The following USP46 variants were observed in gnomAD, a reference collection of about 807,000 sequenced individuals.
The protein encoded by USP46 is ubiquitin specific peptidase 46, also known as ubiquitin carboxyl-terminal hydrolase 46.
USP46 carries 12 observed loss-of-function variants against 44.4 expected under a neutral mutation model. That is an observed-to-expected ratio of 0.27 (90% CI 0.17 to 0.44). The LOEUF is 0.44. USP46 is among the 20% of genes least tolerant of loss of function. USP46 has a pLI of 1.00. For missense variants in USP46, 248 were observed against 444.8 expected, an observed-to-expected ratio of 0.56 and a Z score of 3.98; for synonymous variants, 155 against 161.5, an observed-to-expected ratio of 0.96 and a Z score of 0.31.
chr4:52,655,138 CTGT>C (rs1718904930), intron 1 of USP46, among the ~76,000 whole-genome samples: 1 of 152,168 alleles, frequency 6.6e-6, no homozygotes, highest in Admixed American at 6.5e-5. Context: ...TTGAAATGTC[CTGT>C]TGTGTTAATC....
rs930432241 is a variant in USP46 at position 52,591,324 on chromosome 4, T to C, written c.*6316A>G. ...TTCAATGATCAAGTTATTTTGCTTCTGGTCAAGTCGGATACAAGTCTGAGT... is the reference window on the plus strand; with the variant it reads ...TTCAATGATCAAGTTATTTTGCTTCCGGTCAAGTCGGATACAAGTCTGAGT... On this transcript the variant is annotated 3_prime_UTR_variant, in exon 9 of 9. Coordinates refer to ENST00000441222, the MANE Select transcript of USP46 (RefSeq NM_022832.4). 1 of 152,234 alleles carries C rather than the reference T, an allele frequency of 6.6e-6. No individual in the cohort carries two copies. The highest frequency in any genetic ancestry group is 1.5e-5 in the Non-Finnish European group (1 of 68,042). The allele number at this position is 152,234 out of a possible 1,614,324, so 9.4% of individuals were successfully genotyped here. A position where few individuals can be genotyped will look rare whatever the true frequency, so the allele number is the denominator to read the frequency against.
At chr4:52,646,271 C>G (rs1444750301) in intron 1 of USP46, among the ~76,000 whole-genome samples, 1 of 152,196 alleles carries the variant, frequency 6.6e-6, no homozygotes, top group Non-Finnish European at 1.5e-5. Flanking sequence ...ACTTGTGCGG[C>G]AACCCGGCCC....
At position 52,627,995 on chromosome 4, in the gene USP46, C is replaced by T. The variant is rs191363028; in HGVS notation, c.286G>A (p.Val96Ile). Residue 96 changes from valine to isoleucine, a missense_variant, in exon 3 of 9, where the codon GTC (valine) becomes ATC (isoleucine). Val to Ile is a conservative substitution (Grantham distance 29). This residue lies in a region of USP46 where 54 missense variants were observed against 135.0 expected (regional missense o/e 0.40). Coordinates refer to ENST00000441222, the MANE Select transcript of USP46 (RefSeq NM_022832.4). Reference sequence around the variant, plus strand: ...GAAATGAACTTCTTTGGTGGGATGACGCCAACCTTCTTCTTCTGTGTGGCA... The same window carrying T: ...GAAATGAACTTCTTTGGTGGGATGATGCCAACCTTCTTCTTCTGTGTGGCA... The part of the protein sequence containing the change: ...SIATQKKKVG[V>I]IPPKKFISRL... 5.0e-6 allele frequency: 8 copies of T among 1,613,794 alleles called. No homozygotes were observed. Among genetic ancestry groups the T allele is most frequent in the Admixed American group, 1.7e-5 (1 of 59,990 alleles).
chr4:52,593,091 T>C lies in USP46; in HGVS notation c.*4549A>G, dbSNP rs1716090192. 1 of 396,664 alleles carries C rather than the reference T, an allele frequency of 2.5e-6. No homozygotes were observed. Among genetic ancestry groups the C allele is most frequent in the African/African-American group, 2.1e-5 (1 of 48,602 alleles). 24.6% of individuals were successfully genotyped at this position (396,664 alleles called of 1,614,324 possible). A position where few individuals can be genotyped will look rare whatever the true frequency, so the allele number is the denominator to read the frequency against. ...TGGACAAATACAACGACTTAGTAAG[T>C]ATTTTTATCTTCATGTAAATATAAG... On this transcript the variant is annotated 3_prime_UTR_variant, in exon 9 of 9. Transcript: ENST00000441222.
rs1176751725 is a variant in USP46, at chr4:52,598,698, T to C, written c.929A>G (p.Asn310Ser). 1.2e-6 allele frequency: 2 copies of C among 1,607,232 alleles called. No homozygotes were observed. The highest frequency in any genetic ancestry group is 8.5e-7 in the Non-Finnish European group (1 of 1,176,866). The change falls in exon 8 of 9, where the codon AAT becomes AGT. Residue 310 changes from asparagine (N) to serine (S), a missense_variant. This residue lies in a region of USP46 where 98 missense variants were observed against 218.2 expected (regional missense o/e 0.45). Coordinates refer to ENST00000441222, the MANE Select transcript of USP46 (RefSeq NM_022832.4). ...AVVVHCGSGP[N>S]RGHYITIVKS... ...CACAATAGTGATATAATGCCCACGATTAGGACCACTGGAAAAGAACAAATA... is the reference window on the plus strand; with the variant it reads ...CACAATAGTGATATAATGCCCACGACTAGGACCACTGGAAAAGAACAAATA...
chr4:52,605,066 T>C (rs1716635874), intron 5 of USP46, among the ~76,000 whole-genome samples: 1 of 152,216 alleles, frequency 6.6e-6, no homozygotes. Context: ...TGAAAAATAG[T>C]ATTTCTCTGG....
intron 6 of USP46, among the ~76,000 whole-genome samples, chr4:52,602,399 A>G (rs370656358): frequency 2.5e-4 from 38 of 152,244 alleles, no homozygotes; most frequent in African/African-American, 8.7e-4. Context: ...CCCTGAGATG[A>G]TGGAGAGGAA....
At position 52,659,119 on chromosome 4, in the gene USP46, T is replaced by G; in HGVS notation, c.32A>C (p.Asn11Thr). The G allele has an allele frequency of 6.4e-7, 1 of 1,566,866 alleles. No individual in the cohort carries two copies. The highest frequency in any genetic ancestry group is 8.6e-7 in the Non-Finnish European group (1 of 1,157,804). Reference sequence around the variant, plus strand: ...CGAGGCGGCTCGGCCACTCACCATATTACAGATGGAGGCGATGTTTCGGAC... The same window carrying G: ...CGAGGCGGCTCGGCCACTCACCATAGTACAGATGGAGGCGATGTTTCGGAC... Reference protein sequence around the residue: MTVRNIASICNMGTNASALEK... With the variant: MTVRNIASICTMGTNASALEK... The change falls in exon 1 of 9, where the codon AAT becomes ACT. Residue 11 changes from asparagine to threonine, a missense_variant. By Grantham distance (65) the Asn-to-Thr change is moderately conservative. Around this residue, in one of 5 missense-constraint regions of USP46, gnomAD observed 31 missense variants for 32.5 expected, o/e 0.96. Transcript: ENST00000441222. The surrounding 1 kb of genome is among the most constrained non-coding windows in gnomAD (Gnocchi z 4.2).
chr4:52,627,876 C>G, intron 3 of USP46, 74 bp downstream of exon 3: 1 of 1,460,412 alleles, frequency 6.8e-7, no homozygotes, highest in East Asian at 2.5e-5. Flanking sequence ...CCAGCTCTTC[C>G]TTTTGAGGAG....
At chr4:52,597,780 C>T (rs1397327608) in intron 8 of USP46, 39 bp from the exon 9 acceptor site, 1 of 1,397,810 alleles carries the variant, frequency 7.2e-7, no homozygotes, top group Admixed American at 2.4e-5. Flanking sequence ...AATTACTTAA[C>T]ATGATTCCTG....
At chr4:52,632,507 A>G (rs1011017702) in intron 1 of USP46, among the ~76,000 whole-genome samples, 6 of 152,196 alleles carry the variant, frequency 3.9e-5, no homozygotes, top group African/African-American at 1.4e-4. Context: ...CTTAAGAGAC[A>G]GGTATTTTTA....
At chr4:52,615,249 GT>G (rs1717086853) in intron 4 of USP46, among the ~76,000 whole-genome samples, 1 of 151,904 alleles carries the variant, frequency 6.6e-6, no homozygotes. Context: ...GGAAGTATTT[GT>G]TTTTTTAAGG....
At chr4:52,617,645 A>G (rs961143909) in intron 4 of USP46, among the ~76,000 whole-genome samples, 5 of 152,210 alleles carry the variant, frequency 3.3e-5, no homozygotes, top group South Asian at 2.1e-4. Context: ...AGTCAAAAGC[A>G]ATTAATGATC....
At chr4:52,657,819 T>A (rs1719011970) in intron 1 of USP46, among the ~76,000 whole-genome samples, 1 of 152,232 alleles carries the variant, frequency 6.6e-6, no homozygotes, top group African/African-American at 2.4e-5. Context: ...GCCGTGACAG[T>A]GGCACGTCCC....
intron 3 of USP46, 56 bp from the exon 4 acceptor site, chr4:52,626,303 T>A: frequency 7.0e-7 from 1 of 1,434,636 alleles, no homozygotes; most frequent in Non-Finnish European, 9.6e-7. Flanking sequence ...CAAATGGATG[T>A]AATTAGTGTT....
intron 1 of USP46, among the ~76,000 whole-genome samples, chr4:52,642,982 GTAGCTTATCTCTTGGTAACA>G (rs374911652): frequency 1.3e-3 from 197 of 152,294 alleles, no homozygotes; most frequent in African/African-American, 4.5e-3. Context: ...ATATATTAAT[GTAGCTTATCTCTTGGTAACA>G]TAGCTTATCT....
chr4:52,602,514 GAC>G (rs1716516252), intron 6 of USP46, among the ~76,000 whole-genome samples: 1 of 152,184 alleles, frequency 6.6e-6, no homozygotes, highest in South Asian at 2.1e-4. Flanking sequence ...GGATGCTTCT[GAC>G]ACACACTCTT....
intron 1 of USP46, among the ~76,000 whole-genome samples, chr4:52,635,700 A>T (rs1718087512): frequency 6.6e-6 from 1 of 152,216 alleles, no homozygotes; most frequent in Admixed American, 6.5e-5. Flanking sequence ...AACATGCTTC[A>T]GCATCTCCCA....
chr4:52,605,434 C>T (rs940629495), intron 5 of USP46, among the ~76,000 whole-genome samples: 2 of 152,274 alleles, frequency 1.3e-5, no homozygotes, highest in East Asian at 3.9e-4. Flanking sequence ...GACTAATACC[C>T]TATAGTTTTG....
Sources: gnomAD v4.1 joint callset for allele counts (sites outside exome capture counted in the v4.1 genomes callset) on GRCh38, gnomAD v4.1.1 for gene constraint, gnomAD v4.1.1 regional missense constraint, Gnocchi (gnomAD v3.1) non-coding constraint, MANE v1.5 for transcripts, NCBI Gene and HGNC (gene_info 2026-07-23, HGNC 2026-07-21) for gene names.